Variants in PFAS observed in about 807,000 individuals in gnomAD.
The protein encoded by PFAS is phosphoribosylformylglycinamidine synthase.
Under a neutral mutation model 140.6 loss-of-function variants are expected in PFAS, and 97 were observed. The observed-to-expected ratio is 0.69, with a 90% CI of 0.59 to 0.82. PFAS has a LOEUF of 0.82. Ranked by LOEUF, PFAS falls within the 40% of genes least tolerant of loss-of-function variation. PFAS has a pLI of 0.00. For missense variants in PFAS, 1,656 were observed against 1,780.2 expected, an observed-to-expected ratio of 0.93 and a Z score of 1.26; for synonymous variants, 679 against 718.8, an observed-to-expected ratio of 0.94 and a Z score of 0.88.
rs750519146 is a variant in PFAS at position 8,255,899 on chromosome 17, G to A, written c.669G>A (p.Ala223=). The part of the protein sequence containing the change: ...NPSTVEAFDL[A]QSNSEHSRHW... The stretch of plus-strand genomic sequence containing the variant: ...GCACTGTGGAGGCCTTTGACTTGGC[G>A]CAGTCCAATAGGTGAGGAGAAATGG... The change falls in exon 6 of 28, where the codon GCG becomes GCA. Residue 223 remains alanine, a synonymous_variant. Transcript: ENST00000314666. 13 of 1,612,318 alleles carry A rather than the reference G, an allele frequency of 8.1e-6. No homozygotes were observed. The highest frequency in any genetic ancestry group is 6.7e-5 in the East Asian group (3 of 44,864).
chr17:8,258,345 T>C, intron 11 of PFAS, 146 bp downstream of exon 11: 3 of 892,766 alleles, frequency 3.4e-6, no homozygotes, highest in South Asian at 1.7e-5. Flanking sequence ...GGACAACTCA[T>C]TCTGAGAAAT....
intron 11 of PFAS, among the ~76,000 whole-genome samples, chr17:8,261,969 T>C (rs1368459037): frequency 6.6e-6 from 1 of 151,228 alleles, no homozygotes; most frequent in African/African-American, 2.4e-5. Context: ...TGAGCCGAGA[T>C]TGCATCACTG....
Position 8,266,713 on chromosome 17 carries a change from CCTT to C in PFAS, c.2822-36_2822-34del, listed in dbSNP as rs751632203. 1.7e-5 allele frequency: 26 copies of C among 1,567,868 alleles called. No homozygotes were observed. The South Asian group carries it at 2.9e-4, about 17-fold the overall frequency. On this transcript the variant is annotated intron_variant, in intron 22 of 27. Coordinates refer to ENST00000314666, the MANE Select transcript of PFAS (RefSeq NM_012393.3). The surrounding 1 kb of genome is among the most constrained non-coding windows in gnomAD (Gnocchi z 5.0). ...CTGATCCCGCCCCAACTCCCTTGGC[CCTT>C]CTTGCATCCCCCTGACTCCCCACAT... is the stretch of plus-strand genomic sequence containing the variant.
intron 11 of PFAS, among the ~76,000 whole-genome samples, chr17:8,260,188 C>CTTTTGT (rs550197952): frequency 0.099 from 15,118 of 151,950 alleles, 1,277 homozygotes; most frequent in East Asian, 0.3. Flanking sequence ...ATGTAGTATA[C>CTTTTGT]ATACAATAAT....
Position 8,268,583 on chromosome 17 carries a change from C to T in PFAS, c.3433C>T (p.Arg1145Cys), listed in dbSNP as rs750038695. 39 of 1,612,692 alleles carry T rather than the reference C, an allele frequency of 2.4e-5. No individual in the cohort carries two copies. The highest frequency in any genetic ancestry group is 2.3e-4 in the South Asian group (21 of 91,030). The change falls in exon 27 of 28, where the codon CGC becomes TGC. Residue 1145 changes from arginine to cysteine, a missense_variant. This residue lies in a region of PFAS where 883 missense variants were observed against 1,023.0 expected (regional missense o/e 0.86). Coordinates refer to ENST00000314666, the MANE Select transcript of PFAS (RefSeq NM_012393.3). ...TCCCAGGGCTGGGGCTGAGCTGAGG[C>T]GCTTCCGGAAGCGGCCAGACACCTT... ...FHPRAGAELR[R>C]FRKRPDTFSL...
rs769084818 is a variant in PFAS at position 8,266,237 on chromosome 17, G to A, written c.2705G>A (p.Arg902His). The A allele has an allele frequency of 4.3e-6, 7 of 1,613,792 alleles. No individual in the cohort carries two copies. Among genetic ancestry groups the A allele is most frequent in the Non-Finnish European group, 5.9e-6 (7 of 1,179,916 alleles). Residue 902 changes from arginine (R) to histidine (H), a missense_variant, in exon 22 of 28, where the codon CGC becomes CAC. Arg to His is a conservative substitution (Grantham distance 29). This residue lies in a region of PFAS where 883 missense variants were observed against 1,023.0 expected (regional missense o/e 0.86). Transcript: ENST00000314666. The surrounding 1 kb of genome is among the most constrained non-coding windows in gnomAD (Gnocchi z 5.0). ...FSITQGLLKD[R>H]LLCSGHDVSD... ...AGCTTTCTTCTCCTTCCTCCAGACC[G>A]CCTCCTCTGCTCAGGCCACGATGTC...
At chr17:8,248,031 C>T (rs777656768), upstream of PFAS, 14 of 1,607,000 alleles carry the variant, frequency 8.7e-6, no homozygotes, top group Admixed American at 3.4e-5. Flanking sequence ...CCCGGCCAGC[C>T]GCCATGATGC....
In PFAS at chr17:8,268,941, C is replaced by G. The variant is rs370569547; in HGVS notation, c.3707-13C>G. 1 of 1,613,958 alleles carries G rather than the reference C, an allele frequency of 6.2e-7. No homozygotes were observed. The highest frequency in any genetic ancestry group is 2.2e-5 in the East Asian group (1 of 44,882). ...GGACCTTGGCTCTCACTTCCCTCCT[C>G]CTTCCATCCCAGGTTACGTAGCATT... is the stretch of plus-strand genomic sequence containing the variant. On this transcript the variant is annotated splice_polypyrimidine_tract_variant and intron_variant, in intron 27 of 27. Coordinates refer to ENST00000314666, the MANE Select transcript of PFAS (RefSeq NM_012393.3).
Position 8,253,108 on chromosome 17 carries a change from A to T in PFAS, c.-79-751A>T, listed in dbSNP as rs980350220. On this transcript the variant is annotated intron_variant, in intron 1 of 27. Transcript: ENST00000314666. The stretch of plus-strand genomic sequence containing the variant: ...TACACAAACATTCAATCCATGGCTG[A>T]TACCATTTCTCTCAGGAAATTTTTC... Among the ~76,000 whole-genome samples the T allele has an allele frequency of 2.6e-5, 4 of 152,202 alleles. No homozygotes were observed. In the East Asian group the frequency reaches 7.7e-4, roughly 29 times the overall value.
chr17:8,266,051 G>T lies in PFAS; in HGVS notation c.2701+34G>T. On this transcript the variant is annotated intron_variant, in intron 21 of 27. Transcript: ENST00000314666. The surrounding 1 kb of genome is among the most constrained non-coding windows in gnomAD (Gnocchi z 5.0). Reference sequence around the variant, plus strand: ...AGACCCCTGGGGAGATAGCGCACAGGGTGCCAGGCGTGCAGCAGGCGTTCA... The same window carrying T: ...AGACCCCTGGGGAGATAGCGCACAGTGTGCCAGGCGTGCAGCAGGCGTTCA... 6.4e-7 allele frequency: 1 copy of T among 1,570,346 alleles called. No homozygotes were observed. Among genetic ancestry groups the T allele is most frequent in the Non-Finnish European group, 8.7e-7 (1 of 1,154,628 alleles).
At position 8,268,774 on chromosome 17, in the gene PFAS, C is replaced by T. The variant is rs376286669; in HGVS notation, c.3624C>T (p.Ser1208=). The change falls in exon 27 of 28, where the codon AGC becomes AGT. Residue 1208 remains serine, a synonymous_variant. Coordinates refer to ENST00000314666, the MANE Select transcript of PFAS (RefSeq NM_012393.3). The part of the protein sequence containing the change: ...LSGRYESRWA[S]VRVGPGPALM... ...GGCGCTACGAGTCTCGCTGGGCCAGCGTGCGTGTGGGGCCTGGGCCAGCCC... is the reference window on the plus strand; with the variant it reads ...GGCGCTACGAGTCTCGCTGGGCCAGTGTGCGTGTGGGGCCTGGGCCAGCCC... The T allele has an allele frequency of 5.6e-6, 9 of 1,610,372 alleles. No individual in the cohort carries two copies. Among genetic ancestry groups the T allele is most frequent in the Non-Finnish European group, 6.8e-6 (8 of 1,179,814 alleles).
chr17:8,268,934 CCCT>C lies in PFAS; in HGVS notation c.3707-13_3707-11del, dbSNP rs763868107. On this transcript the variant is annotated splice_polypyrimidine_tract_variant and intron_variant, in intron 27 of 27. Coordinates refer to ENST00000314666, the MANE Select transcript of PFAS (RefSeq NM_012393.3). ...GCATGAAGGACCTTGGCTCTCACTT[CCCT>C]CCTCCTTCCATCCCAGGTTACGTAG... 7.4e-6 allele frequency: 12 copies of C among 1,613,564 alleles called. No homozygotes were observed. The East Asian group carries it at 8.9e-5, about 12-fold the overall frequency.
At chr17:8,262,807 A>G (rs1989644877) in intron 11 of PFAS, 113 bp from the exon 12 acceptor site, 7 of 792,856 alleles carry the variant, frequency 8.8e-6, no homozygotes, top group South Asian at 7.6e-5. Context: ...AAAAAAAAAA[A>G]GCTGGTCAGG....
At chr17:8,256,692 GGTAGGGCAAAGGTC>G (rs775369380) in intron 8 of PFAS, 44 bp downstream of exon 8, 112 of 1,607,614 alleles carry the variant, frequency 7.0e-5, no homozygotes, top group Admixed American at 1.2e-4. Flanking sequence ...CACAGAATAG[GGTAGGGCAAAGGTC>G]CCAGGCCCCT....
rs564930810 is a variant in PFAS at position 8,264,543 on chromosome 17, C to T, written c.1991C>T (p.Ala664Val). 8.6e-5 allele frequency: 138 copies of T among 1,613,760 alleles called. No individual in the cohort carries two copies. In the South Asian group the frequency reaches 1.4e-3, roughly 17 times the overall value. ...CCCCCAGGGCTGAGCGTGCACCAGG[C>T]TCTGGAGAGGGTTCTGAGGCTGCCC... Reference protein sequence around the residue: ...ALPPGLSVHQALERVLRLPAV... With the variant: ...ALPPGLSVHQVLERVLRLPAV... The change falls in exon 17 of 28, where the codon GCT (alanine) becomes GTT (valine). Residue 664 changes from alanine (A) to valine (V), a missense_variant. Physicochemically the swap from Ala to Val is moderately conservative, Grantham distance 64. This residue lies in a region of PFAS where 883 missense variants were observed against 1,023.0 expected (regional missense o/e 0.86). Transcript: ENST00000314666.
At chr17:8,264,714 G>C in intron 17 of PFAS, 113 bp downstream of exon 17, 1 of 1,227,546 alleles carries the variant, frequency 8.1e-7, no homozygotes, top group Non-Finnish European at 1.1e-6. Context: ...GCAGGAAGCA[G>C]CAGGGGCAGG....
intron 11 of PFAS, among the ~76,000 whole-genome samples, chr17:8,262,663 G>A (rs1362451924): frequency 6.6e-6 from 1 of 152,112 alleles, no homozygotes; most frequent in African/African-American, 2.4e-5. Flanking sequence ...GGGCACGATA[G>A]CAGGCGCCTG....
chr17:8,248,527 C>T (rs1179209690), upstream of PFAS, among the ~76,000 whole-genome samples: 1 of 149,942 alleles, frequency 6.7e-6, no homozygotes, highest in Non-Finnish European at 1.5e-5. Context: ...TCCCAAAGTG[C>T]TGGGATTACA....
intron 11 of PFAS, among the ~76,000 whole-genome samples, chr17:8,260,266 C>T (rs1311069957): frequency 6.6e-6 from 1 of 152,078 alleles, no homozygotes; most frequent in Admixed American, 6.5e-5. Context: ...CACCCACCAG[C>T]GTGCCACGAT....
Sources: gnomAD v4.1 joint callset for allele counts (sites outside exome capture counted in the v4.1 genomes callset) on GRCh38, gnomAD v4.1.1 for gene constraint, gnomAD v4.1.1 regional missense constraint, Gnocchi (gnomAD v3.1) non-coding constraint, MANE v1.5 for transcripts, NCBI Gene and HGNC (gene_info 2026-07-23, HGNC 2026-07-21) for gene names.